The following KIAA1217 variants were observed in gnomAD, a reference collection of about 807,000 sequenced individuals.
KIAA1217 encodes the protein KIAA1217.
KIAA1217 carries 88 observed loss-of-function variants against 163.9 expected under a neutral mutation model. The observed-to-expected ratio is 0.54, with a 90% CI of 0.45 to 0.64. The LOEUF is 0.64. Among genes scored for constraint, KIAA1217 ranks in the 30% least tolerant of loss-of-function variants. The pLI is 0.00. For missense variants in KIAA1217, 2,372 were observed against 2,475.0 expected (o/e 0.96, Z 0.88); for synonymous variants, 903 against 923.1 (o/e 0.98, Z 0.39).
intron 1 of KIAA1217, among the ~76,000 whole-genome samples, chr10:23,719,261 A>C (rs865855448): frequency 6.6e-6 from 1 of 152,184 alleles, no homozygotes; most frequent in Non-Finnish European, 1.5e-5. Flanking sequence ...AGTATGATGA[A>C]GCCCCAAAAC....
chr10:24,314,975 A>G (rs2043172662), intron 2 of KIAA1217, among the ~76,000 whole-genome samples: 1 of 152,058 alleles, frequency 6.6e-6, no homozygotes, highest in Admixed American at 6.5e-5. Context: ...ATAATAAAAT[A>G]AACCCATTGT....
At chr10:23,856,482 G>A (rs1839671771) in intron 1 of KIAA1217, among the ~76,000 whole-genome samples, 1 of 152,238 alleles carries the variant, frequency 6.6e-6, no homozygotes, top group South Asian at 2.1e-4. Flanking sequence ...CACTTGAGGA[G>A]GCAGTCTGCC....
intron 2 of KIAA1217, among the ~76,000 whole-genome samples, chr10:24,299,648 C>T (rs1454881926): frequency 2.6e-5 from 4 of 152,178 alleles, no homozygotes; most frequent in East Asian, 3.8e-4. Context: ...GATCTTCTCA[C>T]CTTGGCCTCC....
intron 1 of KIAA1217, among the ~76,000 whole-genome samples, chr10:23,947,394 C>A (rs1281387845): frequency 6.6e-6 from 1 of 152,132 alleles, no homozygotes; most frequent in Non-Finnish European, 1.5e-5. Flanking sequence ...AGCCAATTTC[C>A]CATTTCTTTG....
intron 2 of KIAA1217, among the ~76,000 whole-genome samples, chr10:24,355,104 T>C (rs1231937222): frequency 6.6e-6 from 1 of 152,186 alleles, no homozygotes; most frequent in African/African-American, 2.4e-5. Context: ...GAGTTCAGCA[T>C]TGAGCTGTCC....
intron 2 of KIAA1217, among the ~76,000 whole-genome samples, chr10:24,355,032 C>A (rs1295899700): frequency 6.6e-6 from 1 of 152,194 alleles, no homozygotes; most frequent in Non-Finnish European, 1.5e-5. Context: ...TAATTGTCAG[C>A]CCCTAAAGTA....
rs1175343469 is a variant in KIAA1217 at position 24,547,292 on chromosome 10, G to A, written c.*968G>A. ...CATAGAGTAGTTTTCCCACACCAAA[G>A]TTAATTTTTATGCATGCTTTAAAAG... On this transcript the variant is annotated 3_prime_UTR_variant, in exon 21 of 21. Coordinates refer to ENST00000376454, the MANE Select transcript of KIAA1217 (RefSeq NM_019590.5). 1 of 152,348 alleles carries A rather than the reference G, an allele frequency of 6.6e-6. No homozygotes were observed. The highest frequency in any genetic ancestry group is 1.5e-5 in the Non-Finnish European group (1 of 68,000). The allele number at this position is 152,348 out of a possible 1,614,324, so 9.4% of individuals were successfully genotyped here.
chr10:24,184,956 T>G (rs188023227), intron 2 of KIAA1217, among the ~76,000 whole-genome samples: 1 of 152,312 alleles, frequency 6.6e-6, no homozygotes, highest in East Asian at 1.9e-4. Context: ...GTATCTAATA[T>G]AGGTATGTGT....
chr10:24,147,006 T>TA (rs755857019), intron 2 of KIAA1217, among the ~76,000 whole-genome samples: 8,591 of 110,606 alleles, frequency 0.078, 720 homozygotes, highest in African/African-American at 0.21. Flanking sequence ...TTTGTTTTGT[T>TA]AAAAAAAAAA....
intron 2 of KIAA1217, among the ~76,000 whole-genome samples, chr10:24,333,530 A>G (rs2045959051): frequency 6.6e-6 from 1 of 152,178 alleles, no homozygotes; most frequent in East Asian, 1.9e-4. Context: ...CCCATCACTC[A>G]GGTAGTGAGC....
At chr10:23,983,205 T>G (rs1271436974) in intron 1 of KIAA1217, among the ~76,000 whole-genome samples, 1 of 152,106 alleles carries the variant, frequency 6.6e-6, no homozygotes, top group Admixed American at 6.5e-5. Flanking sequence ...TGGGATGGGA[T>G]GCATATTCAG....
chr10:24,409,818 C>G (rs1252960188), intron 3 of KIAA1217, among the ~76,000 whole-genome samples: 11 of 152,018 alleles, frequency 7.2e-5, no homozygotes, highest in Non-Finnish European at 2.9e-5. Context: ...TAGCTCAGCT[C>G]CCATTTATGA....
chr10:24,465,502 G>A (rs904203000), intron 5 of KIAA1217, among the ~76,000 whole-genome samples: 8 of 152,234 alleles, frequency 5.3e-5, no homozygotes, highest in African/African-American at 1.2e-4. Flanking sequence ...TGCCCAGAGC[G>A]TGGTAGTTGG....
chr10:24,236,659 G>GTT (rs143627043), intron 2 of KIAA1217, among the ~76,000 whole-genome samples: 30 of 138,456 alleles, frequency 2.2e-4, no homozygotes, highest in African/African-American at 7.5e-4. Flanking sequence ...TTTTTTTTTT[G>GTT]TTTTTTTTTT....
chr10:24,315,058 T>C (rs1410034195), intron 2 of KIAA1217, among the ~76,000 whole-genome samples: 2 of 152,144 alleles, frequency 1.3e-5, no homozygotes, highest in African/African-American at 4.8e-5. Flanking sequence ...CAGTCTTCCA[T>C]GGGACCCACT....
At chr10:24,067,047 A>T (rs928674520) in intron 2 of KIAA1217, among the ~76,000 whole-genome samples, 1 of 151,798 alleles carries the variant, frequency 6.6e-6, no homozygotes, top group Non-Finnish European at 1.5e-5. Context: ...CATTGATCTA[A>T]TTTTTTTTCA....
chr10:23,932,023 G>A (rs189703760), intron 1 of KIAA1217, among the ~76,000 whole-genome samples: 309 of 152,270 alleles, frequency 2.0e-3, no homozygotes, highest in Non-Finnish European at 2.2e-3. Context: ...AACCAGAGCA[G>A]CCCGGCAGGG....
intron 1 of KIAA1217, among the ~76,000 whole-genome samples, chr10:23,845,806 C>A (rs556431500): frequency 6.6e-6 from 1 of 152,150 alleles, no homozygotes; most frequent in Non-Finnish European, 1.5e-5. Context: ...AATCTTTGCC[C>A]ATGCCTATGT....
intron 1 of KIAA1217, among the ~76,000 whole-genome samples, chr10:23,902,242 C>T (rs1318475717): frequency 6.6e-6 from 1 of 152,056 alleles, no homozygotes; most frequent in Non-Finnish European, 1.5e-5. Context: ...TGCTGGTGGC[C>T]ATTATCCTTA....
Sources: allele counts gnomAD v4.1 joint callset (sites outside exome capture counted in the v4.1 genomes callset), GRCh38; gene constraint gnomAD v4.1.1; transcripts MANE v1.5; gene names NCBI Gene and HGNC (gene_info 2026-07-23, HGNC 2026-07-21).